The following DAB1 variants were observed in gnomAD, a reference collection of about 807,000 sequenced individuals.
DAB1 encodes disabled homolog 1.
Under a neutral mutation model 64.6 loss-of-function variants are expected in DAB1, and 15 were observed. The observed-to-expected ratio is 0.23, with a 90% CI of 0.16 to 0.36. The LOEUF is 0.36. DAB1 is among the 10% of genes least tolerant of loss of function. DAB1 has a pLI of 1.00. For missense variants in DAB1, 596 were observed against 706.7 expected, an observed-to-expected ratio of 0.84 and a Z score of 1.78; for synonymous variants, 235 against 251.9, an observed-to-expected ratio of 0.93 and a Z score of 0.64.
intron 2 of DAB1, among the ~76,000 whole-genome samples, chr1:57,222,434 G>C (rs553051212): frequency 2.0e-5 from 3 of 152,188 alleles, no homozygotes; most frequent in Non-Finnish European, 4.4e-5. Context: ...CAGCTTCCAG[G>C]GAGGCTCAGC....
At chr1:57,304,382 T>C (rs1406255480) in intron 1 of DAB1, among the ~76,000 whole-genome samples, 1 of 141,036 alleles carries the variant, frequency 7.1e-6, no homozygotes, top group Non-Finnish European at 1.5e-5. Flanking sequence ...GTAGTGGAGA[T>C]TACAGTTCAA....
At chr1:57,555,995 T>A (rs1041031082) in intron 7 of DAB1, among the ~76,000 whole-genome samples, 5 of 152,196 alleles carry the variant, frequency 3.3e-5, no homozygotes, top group South Asian at 2.1e-4. Context: ...AATATCTTGG[T>A]TTCAGGTCCT....
intron 1 of DAB1, among the ~76,000 whole-genome samples, chr1:58,541,293 C>CAAAAAA (rs71043292): frequency 1.5e-4 from 4 of 27,570 alleles, no homozygotes; most frequent in Non-Finnish European, 1.4e-4. Flanking sequence ...GACTCTGTCT[C>CAAAAAA]AAAAAAAAAA....
chr1:58,079,482 C>A (rs937925231), intron 5 of DAB1, among the ~76,000 whole-genome samples: 2 of 150,782 alleles, frequency 1.3e-5, no homozygotes, highest in African/African-American at 2.4e-5. Context: ...ATAGGATCAG[C>A]ACTCAATATT....
intron 7 of DAB1, among the ~76,000 whole-genome samples, chr1:57,489,047 G>A (rs1302747088): frequency 6.6e-6 from 1 of 152,154 alleles, no homozygotes; most frequent in Non-Finnish European, 1.5e-5. Flanking sequence ...CCCATTATTT[G>A]GAATCAATCT....
intron 7 of DAB1, among the ~76,000 whole-genome samples, chr1:57,437,148 T>C (rs938787063): frequency 2.0e-5 from 3 of 151,890 alleles, no homozygotes; most frequent in Admixed American, 6.6e-5. Context: ...TGAAAGTGAA[T>C]GGGGAAAGGG....
intron 9 of DAB1, among the ~76,000 whole-genome samples, chr1:57,040,275 A>G (rs1157127086): frequency 6.6e-6 from 1 of 152,104 alleles, no homozygotes; most frequent in Non-Finnish European, 1.5e-5. Flanking sequence ...TGCTGTTGTC[A>G]TGGGATAGAG....
At chr1:58,053,054 G>A (rs1322074963) in intron 5 of DAB1, among the ~76,000 whole-genome samples, 1 of 152,114 alleles carries the variant, frequency 6.6e-6, no homozygotes, top group Admixed American at 6.5e-5. Flanking sequence ...AAGCGTTCAT[G>A]GGAACTAATA....
At chr1:57,801,366 T>C (rs529750343) in intron 6 of DAB1, among the ~76,000 whole-genome samples, 21 of 152,320 alleles carry the variant, frequency 1.4e-4, no homozygotes, top group African/African-American at 3.6e-4. Context: ...CCAGGTTCAA[T>C]TGGCGAGAGG....
intron 1 of DAB1, among the ~76,000 whole-genome samples, chr1:57,361,180 C>T (rs1679518695): frequency 6.6e-6 from 1 of 152,208 alleles, no homozygotes; most frequent in East Asian, 1.9e-4. Context: ...GAAGAAACTG[C>T]AATTACAGAT....
intron 5 of DAB1, among the ~76,000 whole-genome samples, chr1:58,123,502 C>G (rs1247186215): frequency 6.6e-6 from 1 of 152,122 alleles, no homozygotes; most frequent in Non-Finnish European, 1.5e-5. Flanking sequence ...ATTTTGGGAG[C>G]TCTCTTCTTC....
At chr1:57,181,997 T>A (rs1005891523) in intron 2 of DAB1, among the ~76,000 whole-genome samples, 1 of 152,196 alleles carries the variant, frequency 6.6e-6, no homozygotes, top group Non-Finnish European at 1.5e-5. Flanking sequence ...GTGATACTCC[T>A]GCCTCAGCCT....
intron 2 of DAB1, among the ~76,000 whole-genome samples, chr1:57,277,474 A>G (rs2100614611): frequency 6.6e-6 from 1 of 152,286 alleles, no homozygotes; most frequent in South Asian, 2.1e-4. Flanking sequence ...GACAGCAGAA[A>G]CAAGTCTTGC....
chr1:57,677,879 C>T (rs947935810), intron 6 of DAB1, among the ~76,000 whole-genome samples: 2 of 152,106 alleles, frequency 1.3e-5, no homozygotes, highest in African/African-American at 4.8e-5. Flanking sequence ...AAGTAAAATA[C>T]TAAATATTTG....
intron 1 of DAB1, among the ~76,000 whole-genome samples, chr1:57,310,483 G>C (rs1162116044): frequency 1.3e-5 from 2 of 152,086 alleles, no homozygotes; most frequent in African/African-American, 4.8e-5. Context: ...CTGGGCCCTA[G>C]AGATGGAAAG....
intron 4 of DAB1, among the ~76,000 whole-genome samples, chr1:57,117,614 C>T (rs915305347): frequency 6.6e-6 from 1 of 152,100 alleles, no homozygotes; most frequent in African/African-American, 2.4e-5. Flanking sequence ...CGGTGCAGTG[C>T]GGTATATGTC....
At chr1:57,244,579 T>C (rs1436630223) in intron 2 of DAB1, among the ~76,000 whole-genome samples, 1 of 152,328 alleles carries the variant, frequency 6.6e-6, no homozygotes, top group East Asian at 1.9e-4. Context: ...AGGATAGCAT[T>C]TGTTGTACTA....
intron 3 of DAB1, among the ~76,000 whole-genome samples, chr1:58,394,283 G>A (rs944345247): frequency 3.9e-5 from 6 of 152,162 alleles, no homozygotes; most frequent in Non-Finnish European, 5.9e-5. Flanking sequence ...GAATGCTACA[G>A]AACTTTGGAA....
intron 3 of DAB1, among the ~76,000 whole-genome samples, chr1:58,462,230 C>T (rs927252095): frequency 5.9e-5 from 9 of 151,648 alleles, no homozygotes; most frequent in African/African-American, 2.2e-4. Context: ...GGGTTCACGC[C>T]ATTCTCCTGC....
Sources: gnomAD v4.1 joint callset for allele counts (sites outside exome capture counted in the v4.1 genomes callset) on GRCh38, gnomAD v4.1.1 for gene constraint, MANE v1.5 for transcripts, NCBI Gene and HGNC (gene_info 2026-07-23, HGNC 2026-07-21) for gene names.